Variants in FAAH2 observed in about 807,000 individuals in gnomAD.
FAAH2 encodes fatty acid amide hydrolase 2.
FAAH2 carries 60 observed loss-of-function variants against 36.9 expected under a neutral mutation model. The ratio of observed to expected loss-of-function variants is 1.63; its 90% CI spans 1.32 to 2.02. FAAH2 has a LOEUF of 2.02. Ranked by LOEUF, FAAH2 falls within the 30% of genes most tolerant of loss-of-function variation. The pLI is 0.00. For missense variants in FAAH2, 689 were observed against 397.5 expected (o/e 1.73, Z -6.23); for synonymous variants, 214 against 143.8 (o/e 1.49, Z -3.49).
the FAAH2 span, among the ~76,000 whole-genome samples, chrX:57,197,492 G>A: frequency 9.0e-6 from 1 of 110,776 alleles, no homozygotes; most frequent in Non-Finnish European, 1.9e-5. Context: ...TTCTCATTTG[G>A]GTAGAGTATG....
Position 57,418,844 on chromosome X carries a change from A to G in FAAH2, c.997-13074A>G, listed in dbSNP as rs1294483628. Among the ~76,000 whole-genome samples, 7 of 104,186 alleles carry G rather than the reference A, an allele frequency of 6.7e-5. No individual in the cohort carries two copies. In the East Asian group the frequency reaches 1.6e-3, roughly 23 times the overall value. 90.5% of individuals were successfully genotyped at this position (104,186 alleles called of 115,157 possible). On this transcript the variant is annotated intron_variant, in intron 7 of 10. Coordinates refer to ENST00000374900, the MANE Select transcript of FAAH2 (RefSeq NM_174912.4). ...ATTAACTCGTCATTTAGCATTAGGT[A>G]TATCTCCTAATGCTATCCTTCCCCC...
the FAAH2 span, among the ~76,000 whole-genome samples, chrX:57,251,463 G>A: frequency 9.0e-6 from 1 of 111,571 alleles, no homozygotes; most frequent in Non-Finnish European, 1.9e-5. Flanking sequence ...TCTCACTGAT[G>A]CCAATTCAAT....
intron 10 of FAAH2, among the ~76,000 whole-genome samples, chrX:57,488,122 G>A (rs1035473433): frequency 8.9e-6 from 1 of 111,750 alleles, no homozygotes; most frequent in Non-Finnish European, 1.9e-5. Flanking sequence ...GGGGAATAGA[G>A]AAATGGAGAT....
the FAAH2 span, among the ~76,000 whole-genome samples, chrX:57,246,419 C>A: frequency 9.0e-6 from 1 of 111,512 alleles, no homozygotes; most frequent in South Asian, 3.7e-4. Flanking sequence ...AGAAACAAAA[C>A]CAAAAAAGAA....
intron 3 of FAAH2, among the ~76,000 whole-genome samples, chrX:57,330,267 G>A (rs950046796): frequency 2.7e-5 from 3 of 111,607 alleles, no homozygotes; most frequent in East Asian, 2.8e-4. Context: ...AAGAGAATGC[G>A]CCCCAAGGGT....
chrX:57,150,510 T>G, the FAAH2 span, among the ~76,000 whole-genome samples: 1 of 112,343 alleles, frequency 8.9e-6, no homozygotes, highest in Non-Finnish European at 1.9e-5. Context: ...TTTTCTATTA[T>G]GTAATGGTCT....
intron 10 of FAAH2, among the ~76,000 whole-genome samples, chrX:57,459,532 C>A (rs940380969): frequency 8.9e-6 from 1 of 112,363 alleles, no homozygotes; most frequent in African/African-American, 3.2e-5. Context: ...GGTCTCTAAA[C>A]CTTGTGCCTC....
At chrX:57,417,349 CTCA>C (rs1301107005) in intron 7 of FAAH2, among the ~76,000 whole-genome samples, 1 of 112,013 alleles carries the variant, frequency 8.9e-6, no homozygotes, top group African/African-American at 3.2e-5. Flanking sequence ...CTGTTTTTTC[CTCA>C]TCATCATGGA....
chrX:57,273,598 TAAAG>T, the FAAH2 span, among the ~76,000 whole-genome samples: 1 of 111,856 alleles, frequency 8.9e-6, no homozygotes, highest in Non-Finnish European at 1.9e-5. Flanking sequence ...GAACTCAGGA[TAAAG>T]AAACTCACTG....
At chrX:57,326,721 G>T (rs1431717505) in intron 3 of FAAH2, among the ~76,000 whole-genome samples, 1 of 80,700 alleles carries the variant, frequency 1.2e-5, no homozygotes, top group Non-Finnish European at 2.4e-5. Flanking sequence ...TTTATTTTGA[G>T]CCTATGTGTG....
At chrX:57,448,818 A>G (rs2056732395) in intron 10 of FAAH2, 100 bp downstream of exon 10, 4 of 819,735 alleles carry the variant, frequency 4.9e-6, no homozygotes, top group Admixed American at 6.0e-5. Flanking sequence ...CAAGTTTTAA[A>G]CATGCAGGTA....
At position 57,393,893 on chromosome X, in the gene FAAH2, A is replaced by G. The variant is rs1445116849; in HGVS notation, c.996+12864A>G. The stretch of plus-strand genomic sequence containing the variant: ...TTCTGGATCAATGTCCAATCTTGCA[A>G]ATCTGTTTATCTCTTCATCTGTCAG... On this transcript the variant is annotated intron_variant, in intron 7 of 10. Coordinates refer to ENST00000374900, the MANE Select transcript of FAAH2 (RefSeq NM_174912.4). 7.6e-6 allele frequency: 8 copies of G among 1,048,260 alleles called. No homozygotes were observed. In the East Asian group the frequency reaches 2.4e-4, roughly 32 times the overall value. The allele number at this position is 1,048,260 out of a possible 1,213,427, so 86.4% of individuals were successfully genotyped here.
At chrX:57,321,391 T>A (rs1342209508) in intron 3 of FAAH2, among the ~76,000 whole-genome samples, 3 of 109,304 alleles carry the variant, frequency 2.7e-5, no homozygotes, top group Non-Finnish European at 3.8e-5. Context: ...TGTTGATGGG[T>A]GCAGCAAACC....
chrX:57,189,799 G>T, the FAAH2 span, among the ~76,000 whole-genome samples: 1 of 111,880 alleles, frequency 8.9e-6, no homozygotes, highest in Admixed American at 9.4e-5. Context: ...GCCAGCCAGA[G>T]CTCTCTTGTA....
the FAAH2 span, among the ~76,000 whole-genome samples, chrX:57,254,024 C>T: frequency 9.0e-6 from 1 of 110,639 alleles, no homozygotes; most frequent in South Asian, 3.9e-4. Flanking sequence ...CATTGGTGTG[C>T]TGTATTCAGG....
At chrX:57,296,925 A>C (rs932295342) in intron 2 of FAAH2, among the ~76,000 whole-genome samples, 9 of 109,676 alleles carry the variant, frequency 8.2e-5, no homozygotes, top group Non-Finnish European at 1.3e-4. Flanking sequence ...AAAGAAATGA[A>C]CCAGCATCCA....
chrX:57,176,133 AGAAATTTTCCCTCAATT>A, the FAAH2 span, among the ~76,000 whole-genome samples: 4 of 111,911 alleles, frequency 3.6e-5, no homozygotes, highest in Non-Finnish European at 7.5e-5. Context: ...AGCAAGACCA[AGAAATTTTCCCTCAATT>A]ATTCCCTCAA....
intron 10 of FAAH2, among the ~76,000 whole-genome samples, chrX:57,480,322 T>C (rs2057356710): frequency 8.9e-6 from 1 of 112,048 alleles, no homozygotes; most frequent in South Asian, 3.7e-4. Flanking sequence ...AATAGAATTT[T>C]AGACCAATAT....
the FAAH2 span, among the ~76,000 whole-genome samples, chrX:57,183,949 G>A: frequency 3.6e-5 from 4 of 110,276 alleles, no homozygotes; most frequent in Non-Finnish European, 7.6e-5. Flanking sequence ...AGCCACTCTG[G>A]GAATGTCTGT....
Sources: gnomAD v4.1 joint callset for allele counts (sites outside exome capture counted in the v4.1 genomes callset) on GRCh38, gnomAD v4.1.1 for gene constraint, MANE v1.5 for transcripts, NCBI Gene and HGNC (gene_info 2026-07-23, HGNC 2026-07-21) for gene names.